Variants in HAUS3 observed in about 807,000 individuals in gnomAD.
HAUS3 encodes the protein HAUS augmin like complex subunit 3, also known as HAUS augmin-like complex subunit 3.
A neutral mutation model predicts 55.2 loss-of-function variants in HAUS3; 36 were observed. The observed-to-expected ratio is 0.65, with a 90% CI of 0.50 to 0.86. The LOEUF is 0.86. HAUS3 is among the 40% of genes least tolerant of loss of function. The pLI is 0.00. For synonymous variants in HAUS3, 234 were observed against 238.6 expected, an observed-to-expected ratio of 0.98 and a Z score of 0.18; for missense variants, 752 against 671.5, an observed-to-expected ratio of 1.12 and a Z score of -1.33.
rs1018892993 is a variant in HAUS3 at position 2,230,437 on chromosome 4, T to A, written c.*1490A>T. The A allele has an allele frequency of 2.0e-5, 3 of 152,080 alleles. No homozygotes were observed. The highest frequency in any genetic ancestry group is 2.9e-5 in the Non-Finnish European group (2 of 68,016). 9.4% of individuals were successfully genotyped at this position (152,080 alleles called of 1,614,324 possible). On this transcript the variant is annotated 3_prime_UTR_variant, in exon 6 of 6. Coordinates refer to ENST00000443786, the MANE Select transcript of HAUS3 (RefSeq NM_001303143.2). The stretch of plus-strand genomic sequence containing the variant: ...GAAAATAAAAATTTTAAGTAAATTC[T>A]CTATTCCGAAATAGAATAGAAAAAA...
In HAUS3 at chr4:2,231,963, A is replaced by T. The variant is rs913028999; in HGVS notation, c.1776T>A (p.Thr592=). The change falls in exon 6 of 6, where the codon ACT becomes ACA. Residue 592 remains threonine, a synonymous_variant. Transcript: ENST00000443786. ...GACTAACAGCCTTAATCTTTGATTG[A>T]GTTTCTAAATTCTCCACAATATCTT... ...YLKDIVENLE[T]QSKIKAVSLE... is the part of the protein sequence containing the mutation. 2 of 1,441,722 alleles carry T rather than the reference A, an allele frequency of 1.4e-6. No homozygotes were observed. The highest frequency in any genetic ancestry group is 2.9e-5 in the African/African-American group (2 of 69,974). The allele number at this position is 1,441,722 out of a possible 1,614,324, so 89.3% of individuals were successfully genotyped here.
At position 2,240,876 on chromosome 4, in the gene HAUS3, C is replaced by T. The variant is rs749133653; in HGVS notation, c.71G>A (p.Gly24Glu). 4 of 1,610,260 alleles carry T rather than the reference C, an allele frequency of 2.5e-6. No homozygotes were observed. In the Admixed American group the frequency reaches 6.7e-5, roughly 27 times the overall value. Residue 24 changes from glycine to glutamate, a missense_variant, in exon 3 of 6, where the codon GGA (glycine) becomes GAA (glutamate). Physicochemically the swap from Gly to Glu is moderately conservative, Grantham distance 98. Transcript: ENST00000443786. Reference sequence around the variant, plus strand: ...CTCAAACAACCAGTCAAAGTCTTCTCCATTAAGATTATCAGCTTTGGGATA... The same window carrying T: ...CTCAAACAACCAGTCAAAGTCTTCTTCATTAAGATTATCAGCTTTGGGATA... ...IGYPKADNLN[G>E]EDFDWLFEGV...
At position 2,240,277 on chromosome 4, in the gene HAUS3, G is replaced by C. The variant is rs1560106758; in HGVS notation, c.670C>G (p.Gln224Glu). 1.9e-6 allele frequency: 3 copies of C among 1,613,372 alleles called. No individual in the cohort carries two copies. The highest frequency in any genetic ancestry group is 2.5e-6 in the Non-Finnish European group (3 of 1,179,554). The change falls in exon 3 of 6, where the codon CAG becomes GAG. Residue 224 changes from glutamine to glutamate, a missense_variant. Physicochemically the swap from Gln to Glu is conservative, Grantham distance 29. Coordinates refer to ENST00000443786, the MANE Select transcript of HAUS3 (RefSeq NM_001303143.2). ...CTTTCAACTACTTCATGTATACCCT[G>C]AAAGAACTGTTTTTTGGTATACAAA... is the stretch of plus-strand genomic sequence containing the variant. ...LTLYTKKQFF[Q>E]GIHEVVESSN... is the part of the protein sequence containing the mutation.
chr4:2,232,355 TGATA>T (rs1734614848), intron 5 of HAUS3, among the ~76,000 whole-genome samples, 195 bp from the exon 6 acceptor site: 1 of 152,186 alleles, frequency 6.6e-6, no homozygotes, highest in African/African-American at 2.4e-5. Flanking sequence ...CAACAACTTC[TGATA>T]GATAATTTTA....
At chr4:2,234,079 A>G (rs1283581138) in intron 5 of HAUS3, among the ~76,000 whole-genome samples, 1 of 152,242 alleles carries the variant, frequency 6.6e-6, no homozygotes, top group Non-Finnish European at 1.5e-5. Context: ...GACTATCAAA[A>G]TACCCAGTAA....
rs373634207 is a variant in HAUS3, at chr4:2,231,902, A to G, written c.*25T>C. The stretch of plus-strand genomic sequence containing the variant: ...TCTAATAAATAAAAGAGGACACGTA[A>G]TAAAGATTCAGTTTTCAGTAATTTT... On this transcript the variant is annotated 3_prime_UTR_variant, in exon 6 of 6. Coordinates refer to ENST00000443786, the MANE Select transcript of HAUS3 (RefSeq NM_001303143.2). 159 of 974,264 alleles carry G rather than the reference A, an allele frequency of 1.6e-4. No individual in the cohort carries two copies. In the African/African-American group the frequency reaches 2.4e-3, roughly 15 times the overall value. The allele number at this position is 974,264 out of a possible 1,614,324, so 60.4% of individuals were successfully genotyped here.
chr4:2,239,176 A>C (rs1172708144), intron 3 of HAUS3, 133 bp from the exon 4 acceptor site: 1 of 521,228 alleles, frequency 1.9e-6, no homozygotes, highest in Non-Finnish European at 3.2e-6. Context: ...ATATTCATAT[A>C]AACAAAAATT....
rs1734473867 is a variant in HAUS3, at chr4:2,228,757, T to G, written c.*3170A>C. 1 of 208,128 alleles carries G rather than the reference T, an allele frequency of 4.8e-6. No homozygotes were observed. Among genetic ancestry groups the G allele is most frequent in the Non-Finnish European group, 9.6e-6 (1 of 103,770 alleles). 12.9% of individuals were successfully genotyped at this position (208,128 alleles called of 1,614,324 possible). A position where few individuals can be genotyped will look rare whatever the true frequency, so the allele number is the denominator to read the frequency against. ...CACATATTGTCAAAAACATATCTCT[T>G]GTTCACCACACAAAATAGCAAATAC... On this transcript the variant is annotated 3_prime_UTR_variant, in exon 6 of 6. Coordinates refer to ENST00000443786, the MANE Select transcript of HAUS3 (RefSeq NM_001303143.2).
intron 5 of HAUS3, among the ~76,000 whole-genome samples, chr4:2,234,099 G>C (rs573331209): frequency 6.6e-6 from 1 of 152,260 alleles, no homozygotes; most frequent in South Asian, 2.1e-4. Flanking sequence ...ACAATAACCA[G>C]CTACAAAATT....
intron 3 of HAUS3, among the ~76,000 whole-genome samples, chr4:2,239,404 A>C (rs2108780423): frequency 6.6e-6 from 1 of 152,350 alleles, no homozygotes; most frequent in East Asian, 1.9e-4. Context: ...CTAGTTGGCC[A>C]GTTGATTTTA....
chr4:2,240,410 G>T lies in HAUS3; in HGVS notation c.537C>A (p.Phe179Leu). Residue 179 changes from phenylalanine to leucine, a missense_variant, in exon 3 of 6, where the codon TTC becomes TTA. Physicochemically the swap from Phe to Leu is conservative, Grantham distance 22. Transcript: ENST00000443786. ...LTDEVTQLMM[F>L]FRHSNLGQGT... ...CTTGACCTAAATTAGAATGTCTGAA[G>T]AACATCATCAATTGTGTAACTTCAT... 2 of 1,613,170 alleles carry T rather than the reference G, an allele frequency of 1.2e-6. No homozygotes were observed. Among genetic ancestry groups the T allele is most frequent in the South Asian group, 2.2e-5 (2 of 90,966 alleles).
Position 2,241,509 on chromosome 4 carries a change from T to C in HAUS3, c.-148+11A>G, listed in dbSNP as rs1459508341. The C allele has an allele frequency of 2.0e-6, 2 of 985,700 alleles. No homozygotes were observed. The highest frequency in any genetic ancestry group is 4.7e-5 in the South Asian group (1 of 21,322). The allele number at this position is 985,700 out of a possible 1,614,324, so 61.1% of individuals were successfully genotyped here. ...CATGGCACATCTTCTGAAGATCAAC[T>C]AAATATTTACCTCAACGTCTCGCCG... On this transcript the variant is annotated intron_variant, in intron 2 of 5. Transcript: ENST00000443786.
In HAUS3 at chr4:2,229,775, AT is replaced by A. The variant is rs1238819301; in HGVS notation, c.*2151del. ...AAGGCAGAGGTTGCAGTGAGCTGAGATCATGCCACTGCACTCCAGCCTGGGC... is the reference window on the plus strand; with the variant it reads ...AAGGCAGAGGTTGCAGTGAGCTGAGACATGCCACTGCACTCCAGCCTGGGC... On this transcript the variant is annotated 3_prime_UTR_variant, in exon 6 of 6. Transcript: ENST00000443786. The A allele has an allele frequency of 6.6e-6, 1 of 152,316 alleles. No homozygotes were observed. Among genetic ancestry groups the A allele is most frequent in the Non-Finnish European group, 1.5e-5 (1 of 68,152 alleles). The allele number at this position is 152,316 out of a possible 1,614,324, so 9.4% of individuals were successfully genotyped here. A position where few individuals can be genotyped will look rare whatever the true frequency, so the allele number is the denominator to read the frequency against.
At chr4:2,237,270 AT>A (rs5855728) in intron 4 of HAUS3, among the ~76,000 whole-genome samples, 294 of 145,708 alleles carry the variant, frequency 2.0e-3, no homozygotes, top group Middle Eastern at 3.5e-3. Flanking sequence ...ATCTCTACAA[AT>A]TTTTTTTTTT....
intron 5 of HAUS3, among the ~76,000 whole-genome samples, chr4:2,233,850 A>C (rs370328193): frequency 6.6e-6 from 1 of 152,212 alleles, no homozygotes; most frequent in Admixed American, 6.5e-5. Context: ...AATGGTGTCT[A>C]GTAGACACTT....
rs1203196700 is a variant in HAUS3 at position 2,229,823 on chromosome 4, C to T, written c.*2104G>A. The T allele has an allele frequency of 2.0e-5, 3 of 151,748 alleles. No individual in the cohort carries two copies. Among genetic ancestry groups the T allele is most frequent in the African/African-American group, 7.3e-5 (3 of 41,258 alleles). 9.4% of individuals were successfully genotyped at this position (151,748 alleles called of 1,614,324 possible). ...GGGCAACAAGAGTGAAACTCCGTCT[C>T]AAAAAATAAAAAATAAATAAATAAA... On this transcript the variant is annotated 3_prime_UTR_variant, in exon 6 of 6. Transcript: ENST00000443786.
chr4:2,233,117 ACTT>A (rs1214079764), intron 5 of HAUS3, among the ~76,000 whole-genome samples: 1 of 152,206 alleles, frequency 6.6e-6, no homozygotes, highest in Non-Finnish European at 1.5e-5. Context: ...ACAGAGGAGT[ACTT>A]CTTAAAATAC....
intron 5 of HAUS3, among the ~76,000 whole-genome samples, chr4:2,235,841 G>A (rs1734743738): frequency 6.6e-6 from 1 of 152,116 alleles, no homozygotes; most frequent in Admixed American, 6.5e-5. Context: ...ACTCTTTGAG[G>A]ATGAGAGAGG....
Position 2,240,992 on chromosome 4 carries a change from T to A in HAUS3, c.-46A>T. 1 of 1,393,918 alleles carries A rather than the reference T, an allele frequency of 7.2e-7. No individual in the cohort carries two copies. The allele number at this position is 1,393,918 out of a possible 1,614,324, so 86.3% of individuals were successfully genotyped here. On this transcript the variant is annotated 5_prime_UTR_variant, in exon 3 of 6. Coordinates refer to ENST00000443786, the MANE Select transcript of HAUS3 (RefSeq NM_001303143.2). ...TGTTGTATCTGATATGGGTTTACGG[T>A]GTTGATTTTTAGAAAATAAATCCAA...
Sources: gnomAD v4.1 joint callset for allele counts (sites outside exome capture counted in the v4.1 genomes callset) on GRCh38, gnomAD v4.1.1 for gene constraint, MANE v1.5 for transcripts, NCBI Gene and HGNC (gene_info 2026-07-23, HGNC 2026-07-21) for gene names.